Variants in S100A7A observed in about 807,000 individuals in gnomAD.
The protein encoded by S100A7A is protein S100-A7A.
Under a neutral mutation model 4.0 loss-of-function variants are expected in S100A7A, and 5 were observed. The ratio of observed to expected loss-of-function variants is 1.26; its 90% CI spans 0.66 to 2.66. The LOEUF (loss-of-function observed/expected upper bound fraction) is 2.66, where lower values mean the gene tolerates loss of function less well. Among genes scored for constraint, S100A7A ranks in the 30% most tolerant of loss-of-function variants. S100A7A has a pLI of 0.01. For synonymous variants in S100A7A, 52 were observed against 46.4 expected (o/e 1.12, Z -0.49); for missense variants, 159 against 125.1 (o/e 1.27, Z -1.29).
intron 1 of S100A7A, 147 bp from the exon 2 acceptor site, chr1:153,417,912 TGAACAAC>T: frequency 1.0e-6 from 1 of 958,474 alleles, no homozygotes. Context: ...CTCTCATTTT[TGAACAAC>T]TTATCCCATC....
rs1284459445 is a variant in S100A7A, at chr1:153,422,353, A to G, written c.*3044A>G. On this transcript the variant is annotated 3_prime_UTR_variant, in exon 3 of 3. Transcript: ENST00000368729. ...CATTGGAAGGAGGACATTTTAGAGC[A>G]AGGCCTAAGGGCACAGGTATTAGTG... is the stretch of plus-strand genomic sequence containing the variant. 9.2e-6 allele frequency: 2 copies of G among 218,528 alleles called. No individual in the cohort carries two copies. The highest frequency in any genetic ancestry group is 4.7e-5 in the African/African-American group (2 of 42,674). 13.5% of individuals were successfully genotyped at this position (218,528 alleles called of 1,614,324 possible). A position where few individuals can be genotyped will look rare whatever the true frequency, so the allele number is the denominator to read the frequency against.
At position 153,419,700 on chromosome 1, in the gene S100A7A, G is replaced by A. The variant is rs1662845258; in HGVS notation, c.*391G>A. On this transcript the variant is annotated 3_prime_UTR_variant, in exon 3 of 3. Coordinates refer to ENST00000368729, the MANE Select transcript of S100A7A (RefSeq NM_176823.4). ...CAGACACATTCAGATACTGCACTGA[G>A]AAGGAGCTGGCATCTCTCAGTGTGC... 1 of 178,934 alleles carries A rather than the reference G, an allele frequency of 5.6e-6. No individual in the cohort carries two copies. Among genetic ancestry groups the A allele is most frequent in the South Asian group, 1.8e-4 (1 of 5,698 alleles). 11.1% of individuals were successfully genotyped at this position (178,934 alleles called of 1,614,324 possible).
In S100A7A at chr1:153,416,525, T is replaced by G; in HGVS notation, c.-56T>G. ...ACTGCTCTTTGTCCAAACACACACATCTCACTCATCCTTCTACTCGTGACA... is the reference window on the plus strand; with the variant it reads ...ACTGCTCTTTGTCCAAACACACACAGCTCACTCATCCTTCTACTCGTGACA... On this transcript the variant is annotated 5_prime_UTR_variant, in exon 1 of 3. Coordinates refer to ENST00000368729, the MANE Select transcript of S100A7A (RefSeq NM_176823.4). 2.1e-6 allele frequency: 1 copy of G among 486,916 alleles called. No individual in the cohort carries two copies. The allele number at this position is 486,916 out of a possible 1,614,324, so 30.2% of individuals were successfully genotyped here.
At position 153,422,426 on chromosome 1, in the gene S100A7A, G is replaced by T; in HGVS notation, c.*3117G>T. ...TTTGTTCTAACACATACTAGAGCAA[G>T]AATTTACTTGATTTGGAATAATTAA... On this transcript the variant is annotated 3_prime_UTR_variant, in exon 3 of 3. Coordinates refer to ENST00000368729, the MANE Select transcript of S100A7A (RefSeq NM_176823.4). 5 of 801,854 alleles carry T rather than the reference G, an allele frequency of 6.2e-6. No individual in the cohort carries two copies. Among genetic ancestry groups the T allele is most frequent in the Non-Finnish European group, 7.5e-6 (5 of 662,626 alleles). 49.7% of individuals were successfully genotyped at this position (801,854 alleles called of 1,614,324 possible).
rs1199191127 is a variant in S100A7A, at chr1:153,421,796, T to A, written c.*2487T>A. 2 of 152,242 alleles carry A rather than the reference T, an allele frequency of 1.3e-5. No individual in the cohort carries two copies. Among genetic ancestry groups the A allele is most frequent in the Non-Finnish European group, 2.9e-5 (2 of 68,042 alleles). The allele number at this position is 152,242 out of a possible 1,614,324, so 9.4% of individuals were successfully genotyped here. ...CTAATGTGGGCCTGCCCTCCCTTTA[T>A]TTTTCCAGTTCTTATTTCACCTGAT... On this transcript the variant is annotated 3_prime_UTR_variant, in exon 3 of 3. Coordinates refer to ENST00000368729, the MANE Select transcript of S100A7A (RefSeq NM_176823.4).
In S100A7A at chr1:153,419,541, C is replaced by T. The variant is rs1662840302; in HGVS notation, c.*232C>T. On this transcript the variant is annotated 3_prime_UTR_variant, in exon 3 of 3. Coordinates refer to ENST00000368729, the MANE Select transcript of S100A7A (RefSeq NM_176823.4). Reference sequence around the variant, plus strand: ...TCCAGCAGAGCTGATCTGCCTCTCACACAGGTCCTGGTGTCTGCCTCTGCA... The same window carrying T: ...TCCAGCAGAGCTGATCTGCCTCTCATACAGGTCCTGGTGTCTGCCTCTGCA... 1 of 577,832 alleles carries T rather than the reference C, an allele frequency of 1.7e-6. No homozygotes were observed. 35.8% of individuals were successfully genotyped at this position (577,832 alleles called of 1,614,324 possible).
Position 153,420,329 on chromosome 1 carries a change from T to A in S100A7A, c.*1020T>A, listed in dbSNP as rs1386444778. 1 of 152,190 alleles carries A rather than the reference T, an allele frequency of 6.6e-6. No homozygotes were observed. Among genetic ancestry groups the A allele is most frequent in the Non-Finnish European group, 1.5e-5 (1 of 68,160 alleles). 9.4% of individuals were successfully genotyped at this position (152,190 alleles called of 1,614,324 possible). A position where few individuals can be genotyped will look rare whatever the true frequency, so the allele number is the denominator to read the frequency against. On this transcript the variant is annotated 3_prime_UTR_variant, in exon 3 of 3. Coordinates refer to ENST00000368729, the MANE Select transcript of S100A7A (RefSeq NM_176823.4). Reference sequence around the variant, plus strand: ...TCTCCATGCAGGCCACAACACAGGGTCAGTGTTCACCTGGTGTCACTTCCA... The same window carrying A: ...TCTCCATGCAGGCCACAACACAGGGACAGTGTTCACCTGGTGTCACTTCCA...
At chr1:153,417,153 C>G (rs752488461) in intron 1 of S100A7A, 1 of 152,360 alleles carries the variant, frequency 6.6e-6, no homozygotes, top group Non-Finnish European at 1.5e-5. Context: ...TGCCCACATG[C>G]GTTAGCCAAG....
In S100A7A at chr1:153,419,626, G is replaced by T; in HGVS notation, c.*317G>T. The T allele has an allele frequency of 2.7e-6, 1 of 366,260 alleles. No homozygotes were observed. Among genetic ancestry groups the T allele is most frequent in the Non-Finnish European group, 5.0e-6 (1 of 201,034 alleles). The allele number at this position is 366,260 out of a possible 1,614,324, so 22.7% of individuals were successfully genotyped here. A position where few individuals can be genotyped will look rare whatever the true frequency, so the allele number is the denominator to read the frequency against. On this transcript the variant is annotated 3_prime_UTR_variant, in exon 3 of 3. Coordinates refer to ENST00000368729, the MANE Select transcript of S100A7A (RefSeq NM_176823.4). ...AGGTGGAAGTTGGTAGAAGGCCCCT[G>T]CCAGGTCACAGCAATGCTCTCCTTG...
Position 153,419,325 on chromosome 1 carries a change from G to C in S100A7A, c.*16G>C, listed in dbSNP as rs1198225971. On this transcript the variant is annotated 3_prime_UTR_variant, in exon 3 of 3. Coordinates refer to ENST00000368729, the MANE Select transcript of S100A7A (RefSeq NM_176823.4). ...AAGCCAGTGATCCAGCCCCACCAAG[G>C]GGCCTCCAGAGACCCCAGGAACAAT... The C allele has an allele frequency of 2.5e-6, 4 of 1,610,130 alleles. No homozygotes were observed. The highest frequency in any genetic ancestry group is 3.4e-6 in the Non-Finnish European group (4 of 1,178,522).
Position 153,423,123 on chromosome 1 carries a change from G to A in S100A7A, c.*3814G>A, listed in dbSNP as rs921095057. Reference sequence around the variant, plus strand: ...AAGCTTCAGTGCTCTCCTTTCTTTGGCCTTAATATTATTGGATTAAAGAAT... The same window carrying A: ...AAGCTTCAGTGCTCTCCTTTCTTTGACCTTAATATTATTGGATTAAAGAAT... On this transcript the variant is annotated 3_prime_UTR_variant, in exon 3 of 3. Transcript: ENST00000368729. 4 of 151,944 alleles carry A rather than the reference G, an allele frequency of 2.6e-5. No individual in the cohort carries two copies. Among genetic ancestry groups the A allele is most frequent in the African/African-American group, 9.7e-5 (4 of 41,364 alleles). 9.4% of individuals were successfully genotyped at this position (151,944 alleles called of 1,614,324 possible). A position where few individuals can be genotyped will look rare whatever the true frequency, so the allele number is the denominator to read the frequency against.
intron 1 of S100A7A, 62 bp downstream of exon 1, chr1:153,416,625 C>T (rs1454544312): frequency 2.8e-5 from 12 of 427,044 alleles, no homozygotes; most frequent in Non-Finnish European, 5.1e-5. Context: ...TGCCATGCTG[C>T]CTGTAGGAAG....
chr1:153,419,216 T>G lies in S100A7A; in HGVS notation c.213T>G (p.Asp71Glu), dbSNP rs141793802. 3.9e-4 allele frequency: 626 copies of G among 1,614,156 alleles called. 2 individuals are homozygous for G. In the African/African-American group the frequency reaches 7.5e-3, roughly 19 times the overall value. ...ACAAGAATGAGGATAAGAAGATTGATTTTTCTGAGTTTCTGTCCTTGCTGG... is the reference window on the plus strand; with the variant it reads ...ACAAGAATGAGGATAAGAAGATTGAGTTTTCTGAGTTTCTGTCCTTGCTGG... ...KKDKNEDKKIDFSEFLSLLGD... is the reference protein window; with the variant it reads ...KKDKNEDKKIEFSEFLSLLGD... Residue 71 changes from aspartate (D) to glutamate (E), a missense_variant, in exon 3 of 3, where the codon GAT becomes GAG. Transcript: ENST00000368729.
intron 1 of S100A7A, 61 bp from the exon 2 acceptor site, chr1:153,418,005 C>A (rs376390181): frequency 1.9e-6 from 3 of 1,589,264 alleles, no homozygotes; most frequent in Non-Finnish European, 2.6e-6. Flanking sequence ...CCTTCTAACA[C>A]CCCCACATAG....
rs1283972208 is a variant in S100A7A, at chr1:153,419,201, G to A, written c.198G>A (p.Glu66=). The A allele has an allele frequency of 1.2e-6, 2 of 1,614,180 alleles. No individual in the cohort carries two copies. Among genetic ancestry groups the A allele is most frequent in the African/African-American group, 1.3e-5 (1 of 75,034 alleles). ...ATVFEKKDKN[E]DKKIDFSEFL... ...TCTTTGAGAAAAAGGACAAGAATGA[G>A]GATAAGAAGATTGATTTTTCTGAGT... The change falls in exon 3 of 3, where the codon GAG becomes GAA. Residue 66 remains glutamate, a synonymous_variant. Coordinates refer to ENST00000368729, the MANE Select transcript of S100A7A (RefSeq NM_176823.4).
intron 2 of S100A7A, 119 bp from the exon 3 acceptor site, chr1:153,419,026 A>G (rs1009086546): frequency 3.7e-5 from 40 of 1,095,640 alleles, no homozygotes; most frequent in Middle Eastern, 2.1e-4. Context: ...TCTCAGCCCC[A>G]CGACCATGCC....
chr1:153,418,249 G>A (rs1662789014), intron 2 of S100A7A, 26 bp downstream of exon 2: 2 of 1,613,584 alleles, frequency 1.2e-6, no homozygotes, highest in Non-Finnish European at 1.7e-6. Context: ...GCTTCTCAAT[G>A]TTGGTTGGAC....
At position 153,419,445 on chromosome 1, in the gene S100A7A, G is replaced by A; in HGVS notation, c.*136G>A. ...CCAATTCCAGGTTAACTTTGTTGGA[G>A]AATTTCCCCCACCCCCATCCAGTGG... On this transcript the variant is annotated 3_prime_UTR_variant, in exon 3 of 3. Transcript: ENST00000368729. 2.9e-6 allele frequency: 3 copies of A among 1,035,932 alleles called. No homozygotes were observed. The highest frequency in any genetic ancestry group is 4.2e-6 in the Non-Finnish European group (3 of 719,628). 64.2% of individuals were successfully genotyped at this position (1,035,932 alleles called of 1,614,324 possible). A position where few individuals can be genotyped will look rare whatever the true frequency, so the allele number is the denominator to read the frequency against.
Position 153,420,876 on chromosome 1 carries a change from T to A in S100A7A, c.*1567T>A, listed in dbSNP as rs1307448845. ...CACCCCAGAATTGCTCTCTTTCCTC[T>A]CTTAGCTCTGTTGCCCACTTTCCTT... On this transcript the variant is annotated 3_prime_UTR_variant, in exon 3 of 3. Transcript: ENST00000368729. 1 of 152,220 alleles carries A rather than the reference T, an allele frequency of 6.6e-6. No individual in the cohort carries two copies. The highest frequency in any genetic ancestry group is 1.5e-5 in the Non-Finnish European group (1 of 68,230). The allele number at this position is 152,220 out of a possible 1,614,324, so 9.4% of individuals were successfully genotyped here. A position where few individuals can be genotyped will look rare whatever the true frequency, so the allele number is the denominator to read the frequency against.
Sources: allele counts gnomAD v4.1 joint callset, GRCh38; gene constraint gnomAD v4.1.1; transcripts MANE v1.5; gene names NCBI Gene and HGNC (gene_info 2026-07-23, HGNC 2026-07-21).